Variants in NBPF20 observed in about 807,000 individuals in gnomAD.
The protein encoded by NBPF20 is NBPF family member NBPF20.
NBPF20 carries 90 observed loss-of-function variants against 68.1 expected under a neutral mutation model. The observed-to-expected ratio is 1.32, with a 90% CI of 1.11 to 1.58. The LOEUF (loss-of-function observed/expected upper bound fraction) is 1.58, where lower values mean the gene tolerates loss of function less well. Ranked by LOEUF, NBPF20 falls within the 40% of genes most tolerant of loss-of-function variation. The pLI is 0.00. For synonymous variants in NBPF20, 290 were observed against 228.1 expected, an observed-to-expected ratio of 1.27 and a Z score of -2.45; for missense variants, 816 against 601.2, an observed-to-expected ratio of 1.36 and a Z score of -3.74.
rs782684620 is a variant in NBPF20 at position 145,291,609 on chromosome 1, G to A, written c.16858C>T (p.Leu5620Phe). ...GTAAAAAACCTATTGTCCACGTAAA[G>A]GGCGAAGCTGATGTGCTGTTCCTCA... The change falls in exon 138 of 138, where the codon CTT (leucine) becomes TTT (phenylalanine). Residue 5620 changes from leucine to phenylalanine, a missense_variant. Physicochemically the swap from Leu to Phe is conservative, Grantham distance 22. Transcript: ENST00000369373. The A allele has an allele frequency of 6.8e-6, 11 of 1,611,832 alleles. No individual in the cohort carries two copies. In the African/African-American group the frequency reaches 1.3e-4, roughly 20 times the overall value.
In NBPF20 at chr1:145,392,632, G is replaced by A. The variant is rs1326973279; in HGVS notation, c.1217-278C>T. On this transcript the variant is annotated intron_variant, in intron 10 of 137. Coordinates refer to ENST00000369373, the Ensembl canonical transcript of NBPF20. Reference sequence around the variant, plus strand: ...ATGGTTATGCCATATTTTTCCAATCGATTTAAAGCAAATGCCCCCAAATGG... The same window carrying A: ...ATGGTTATGCCATATTTTTCCAATCAATTTAAAGCAAATGCCCCCAAATGG... Among the ~76,000 whole-genome samples the A allele has an allele frequency of 6.3e-4, 14 of 22,094 alleles. 1 individual carries two copies. Among genetic ancestry groups the A allele is most frequent in the African/African-American group, 6.1e-3 (11 of 1,812 alleles). The allele number at this position is 22,094 out of a possible 152,430, so 14.5% of individuals were successfully genotyped here.
intron 137 of NBPF20, 57 bp from the exon 143 acceptor site, chr1:145,291,826 C>A (rs1481417202): frequency 1.4e-5 from 22 of 1,611,236 alleles, no homozygotes; most frequent in Admixed American, 5.0e-5. Flanking sequence ...ACCACAGAGC[C>A]CCACTAGATT....
At chr1:145,425,106 A>G in the NBPF20 span, among the ~76,000 whole-genome samples, 12 of 152,038 alleles carry the variant, frequency 7.9e-5, no homozygotes, top group African/African-American at 2.9e-4. Flanking sequence ...GATGCCACAG[A>G]ACACCCGCCA....
chr1:145,407,364 C>A (rs1553667841), upstream of NBPF20, among the ~76,000 whole-genome samples: 2 of 142,262 alleles, frequency 1.4e-5, no homozygotes, highest in Admixed American at 7.1e-5. Flanking sequence ...CAACATGGCA[C>A]ACGTATATAT....
chr1:145,393,515 G>T (rs1416232226), intron 9 of NBPF20, among the ~76,000 whole-genome samples: 1 of 151,548 alleles, frequency 6.6e-6, no homozygotes, highest in East Asian at 1.9e-4. Context: ...GAATTGGTCA[G>T]GTGACACACT....
intron 7 of NBPF20, among the ~76,000 whole-genome samples, chr1:145,397,592 C>T (rs1456530676): frequency 6.6e-6 from 1 of 152,136 alleles, no homozygotes; most frequent in Non-Finnish European, 1.5e-5. Flanking sequence ...AAGCAGTAAA[C>T]ATGGAAAGGA....
At chr1:145,290,146 T>G in exon 138 of NBPF20, 1 of 148,512 alleles carries the variant, frequency 6.7e-6, no homozygotes, top group East Asian at 2.0e-4. Context: ...ACCCAAAATT[T>G]GCAGTGTAGA....
In NBPF20 at chr1:145,402,162, C is replaced by G; in HGVS notation, c.493+5G>C. The stretch of plus-strand genomic sequence containing the variant: ...TTGGGTCATCAGGGCCTATGGCCAC[C>G]TTACCTGGGCTGAGCTTTTGGACAA... On this transcript the variant is annotated splice_donor_5th_base_variant and intron_variant, in intron 4 of 137. Transcript: ENST00000369373. 6.8e-7 allele frequency: 1 copy of G among 1,473,280 alleles called. No individual in the cohort carries two copies. The highest frequency in any genetic ancestry group is 1.1e-5 in the South Asian group (1 of 88,396). The allele number at this position is 1,473,280 out of a possible 1,614,324, so 91.3% of individuals were successfully genotyped here.
the NBPF20 span, among the ~76,000 whole-genome samples, chr1:145,416,092 T>C: frequency 1.3e-5 from 2 of 151,406 alleles, no homozygotes; most frequent in South Asian, 4.2e-4. Flanking sequence ...GATGGCGCCG[T>C]TGCATTTGAG....
exon 8 of NBPF20, chr1:145,395,042 C>A: frequency 1.2e-6 from 2 of 1,611,544 alleles, no homozygotes; most frequent in African/African-American, 1.3e-5. Flanking sequence ...TGCTGTAAGA[C>A]TGGTACGAGG....
upstream of NBPF20, among the ~76,000 whole-genome samples, chr1:145,406,180 C>T (rs1438425207): frequency 6.6e-6 from 1 of 150,824 alleles, no homozygotes; most frequent in African/African-American, 2.4e-5. Flanking sequence ...CGTGATCTGC[C>T]GCCTCGGCCT....
chr1:145,292,030 T>A lies in NBPF20; in HGVS notation c.16698-261A>T, dbSNP rs782820070. On this transcript the variant is annotated intron_variant, in intron 137 of 137. Coordinates refer to ENST00000369373, the Ensembl canonical transcript of NBPF20. ...CTAGTGAATTGCCCAGGTGACATAC[T>A]GGTAAGGGAGTCAAAGGACACTCTG... is the stretch of plus-strand genomic sequence containing the variant. Among the ~76,000 whole-genome samples the A allele has an allele frequency of 3.3e-5, 5 of 149,512 alleles. 1 individual carries two copies. The highest frequency in any genetic ancestry group is 5.1e-5 in the African/African-American group (2 of 38,956).
exon 5 of NBPF20, chr1:145,401,073 T>G (rs1662501046): frequency 6.2e-7 from 1 of 1,608,338 alleles, no homozygotes; most frequent in African/African-American, 1.3e-5. Context: ...GGGCAGACGA[T>G]TTCTGCACTT....
At chr1:145,402,468 C>T (rs1362786020) in intron 3 of NBPF20, 87 bp from the exon 9 acceptor site, 12 of 1,467,934 alleles carry the variant, frequency 8.2e-6, no homozygotes, top group Admixed American at 3.3e-5. Context: ...GAGATAATGT[C>T]CTCAAGGAGA....
chr1:145,424,687 TGAG>T, the NBPF20 span, among the ~76,000 whole-genome samples: 1 of 152,108 alleles, frequency 6.6e-6, no homozygotes, highest in Non-Finnish European at 1.5e-5. Flanking sequence ...GGACGCCAAA[TGAG>T]AAGATCTAAC....
Position 145,400,383 on chromosome 1 carries a change from G to A in NBPF20, c.775+3C>T. The A allele has an allele frequency of 4.3e-6, 7 of 1,612,652 alleles. No homozygotes were observed. The highest frequency in any genetic ancestry group is 5.9e-6 in the Non-Finnish European group (7 of 1,179,924). ...AGGTATGAGACACAAGGAAAACAGA[G>A]GCTACCTGGAATAATGTGTACAGCA... is the stretch of plus-strand genomic sequence containing the variant. On this transcript the variant is annotated splice_donor_region_variant and intron_variant, in intron 6 of 137. Transcript: ENST00000369373.
At chr1:145,397,909 A>G (rs1662336849) in intron 7 of NBPF20, among the ~76,000 whole-genome samples, 1 of 152,178 alleles carries the variant, frequency 6.6e-6, no homozygotes, top group Non-Finnish European at 1.5e-5. Context: ...GCAAATGGAA[A>G]ACAAAAAAAG....
chr1:145,342,811 A>T (rs1308471245), intron 73 of NBPF20, among the ~76,000 whole-genome samples: 3 of 113,194 alleles, frequency 2.7e-5, no homozygotes, highest in Non-Finnish European at 5.5e-5. Flanking sequence ...ACACACACAC[A>T]CAGAGAGAAC....
chr1:145,425,586 G>C, the NBPF20 span, among the ~76,000 whole-genome samples: 22 of 152,214 alleles, frequency 1.4e-4, no homozygotes, highest in Admixed American at 8.5e-4. Flanking sequence ...GGATCCTCAG[G>C]GTCTCGCCGG....
Sources: allele counts gnomAD v4.1 joint callset (sites outside exome capture counted in the v4.1 genomes callset), GRCh38; gene constraint gnomAD v4.1.1; transcripts MANE v1.5; gene names NCBI Gene and HGNC (gene_info 2026-07-23, HGNC 2026-07-21).